The following BPTF variants were observed in gnomAD, a reference collection of about 807,000 sequenced individuals.
BPTF encodes the protein nucleosome-remodeling factor subunit BPTF.
Under a neutral mutation model 292.5 loss-of-function variants are expected in BPTF, and 18 were observed. The observed-to-expected ratio is 0.06, with a 90% CI of 0.04 to 0.09. The LOEUF (loss-of-function observed/expected upper bound fraction) is 0.09, where lower values mean the gene tolerates loss of function less well. BPTF is among the 10% of genes least tolerant of loss of function. The pLI is 1.00. For synonymous variants in BPTF, 1,225 were observed against 1,251.9 expected, an observed-to-expected ratio of 0.98 and a Z score of 0.45; for missense variants, 2,726 against 3,498.7, an observed-to-expected ratio of 0.78 and a Z score of 5.57.
At position 67,854,782 on chromosome 17, in the gene BPTF, A is replaced by G. The variant is rs767088881; in HGVS notation, c.1436+20A>G. 1.9e-6 allele frequency: 3 copies of G among 1,555,576 alleles called. No homozygotes were observed. Among genetic ancestry groups the G allele is most frequent in the East Asian group, 4.5e-5 (2 of 44,446 alleles). On this transcript the variant is annotated intron_variant, in intron 2 of 27. Coordinates refer to ENST00000306378, the MANE Select transcript of BPTF (RefSeq NM_182641.4). The surrounding 1 kb of genome is among the most constrained non-coding windows in gnomAD (Gnocchi z 5.6). ...CATAATGTAAGTAAATCTGGTCTTA[A>G]TTTTTTGTATGCATTTAAAATTAGA...
intron 10 of BPTF, among the ~76,000 whole-genome samples, chr17:67,910,286 T>C (rs993482594): frequency 1.3e-5 from 2 of 152,230 alleles, no homozygotes; most frequent in African/African-American, 4.8e-5. Context: ...GGCTGTTTCC[T>C]CTTTTGGCTA....
At chr17:67,843,984 C>CA (rs777916215) in intron 1 of BPTF, among the ~76,000 whole-genome samples, 62 of 149,034 alleles carry the variant, frequency 4.2e-4, no homozygotes, top group Non-Finnish European at 5.4e-4. Flanking sequence ...AGGCTGGTCT[C>CA]AAACTCCTGA....
intron 2 of BPTF, among the ~76,000 whole-genome samples, chr17:67,860,765 C>A (rs1425644391): frequency 6.6e-6 from 1 of 152,308 alleles, no homozygotes; most frequent in Non-Finnish European, 1.5e-5. Context: ...CACTATGTTG[C>A]CAGGCTGGTC....
At position 67,968,810 on chromosome 17, in the gene BPTF, T is replaced by C. The variant is rs187652501; in HGVS notation, c.8539+2154T>C. 6.3e-3 allele frequency among the ~76,000 whole-genome samples: 945 copies of C among 149,580 alleles called. 12 individuals are homozygous for C. Among genetic ancestry groups the C allele is most frequent in the Non-Finnish European group, 0.01 (709 of 67,668 alleles). On this transcript the variant is annotated intron_variant, in intron 26 of 27. Coordinates refer to ENST00000306378, the MANE Select transcript of BPTF (RefSeq NM_182641.4). ...TCAAAAAAAAAAAAGAAAGAAAATT[T>C]AGAAAATAAATACTATACAAAATTA... is the stretch of plus-strand genomic sequence containing the variant.
At chr17:67,946,976 G>A (rs2065856643) in intron 21 of BPTF, among the ~76,000 whole-genome samples, 1 of 152,200 alleles carries the variant, frequency 6.6e-6, no homozygotes, top group African/African-American at 2.4e-5. Flanking sequence ...CTAGGCAGGA[G>A]TTTGAATGTG....
chr17:67,832,753 A>C (rs1382713857), intron 1 of BPTF, among the ~76,000 whole-genome samples: 2 of 147,778 alleles, frequency 1.4e-5, no homozygotes, highest in East Asian at 3.9e-4. Context: ...GGCAGCCACT[A>C]ATCTACTTTG....
chr17:67,945,819 A>G lies in BPTF; in HGVS notation c.7111A>G (p.Thr2371Ala), dbSNP rs149704276. 470 of 1,613,914 alleles carry G rather than the reference A, an allele frequency of 2.9e-4. 1 individual carries two copies. The highest frequency in any genetic ancestry group is 3.4e-4 in the Non-Finnish European group (401 of 1,180,018). ...ACAACAATCCCAGGTTCAGACTACA[A>G]CCTCACAACCGATTCCAATTCAACC... ...PGQQSQVQTT[T>A]SQPIPIQPHT... The change falls in exon 21 of 28, where the codon ACC becomes GCC. Residue 2371 changes from threonine (T) to alanine (A), a missense_variant. By Grantham distance (58) the Thr-to-Ala change is moderately conservative. Around this residue, in one of 22 missense-constraint regions of BPTF, gnomAD observed 570 missense variants for 633.5 expected, o/e 0.90. Transcript: ENST00000306378.
In BPTF at chr17:67,911,770, G is replaced by A. The variant is rs200480162; in HGVS notation, c.3886G>A (p.Val1296Met). ...NSTLENSSDT[V>M]SIQDSSEEDM... Reference sequence around the variant, plus strand: ...CACTTTGGAAAATAGTTCTGATACCGTGTCTATTCAGGATAGCAGTGAAGA... The same window carrying A: ...CACTTTGGAAAATAGTTCTGATACCATGTCTATTCAGGATAGCAGTGAAGA... Residue 1296 changes from valine (V) to methionine (M), a missense_variant, in exon 11 of 28, where the codon GTG becomes ATG. Val to Met is a conservative substitution (Grantham distance 21). Transcript: ENST00000306378. The A allele has an allele frequency of 1.2e-5, 20 of 1,614,146 alleles. No individual in the cohort carries two copies. The highest frequency in any genetic ancestry group is 6.7e-5 in the East Asian group (3 of 44,888).
chr17:67,886,729 G>C (rs1471275534), intron 4 of BPTF, among the ~76,000 whole-genome samples: 7 of 152,130 alleles, frequency 4.6e-5, no homozygotes, highest in African/African-American at 1.7e-4. Flanking sequence ...AATATAAACA[G>C]GATCATTCTG....
chr17:67,929,149 A>G (rs1411993285), intron 16 of BPTF, 187 bp from the exon 17 acceptor site: 1 of 1,363,900 alleles, frequency 7.3e-7, no homozygotes, highest in Non-Finnish European at 9.4e-7. Flanking sequence ...TTTAATTCAC[A>G]TTTGCCAGAT....
At chr17:67,881,856 TTG>T (rs1397532359) in intron 4 of BPTF, among the ~76,000 whole-genome samples, 3,378 of 14,590 alleles carry the variant, frequency 0.23, 323 homozygotes, top group Non-Finnish European at 0.34. Context: ...TTTTGGGTTT[TTG>T]TTTTTTTTTT....
chr17:67,925,603 G>A (rs2063801116), intron 15 of BPTF, among the ~76,000 whole-genome samples: 1 of 152,158 alleles, frequency 6.6e-6, no homozygotes, highest in Admixed American at 6.5e-5. Context: ...TTCCTATTGA[G>A]AAAATACTGT....
intron 5 of BPTF, among the ~76,000 whole-genome samples, chr17:67,892,834 T>A (rs901163213): frequency 3.9e-5 from 6 of 152,184 alleles, no homozygotes; most frequent in Admixed American, 1.3e-4. Context: ...TTTTATTTTT[T>A]AAAAAAGCTG....
At chr17:67,829,189 G>A (rs901986818) in intron 1 of BPTF, among the ~76,000 whole-genome samples, 6 of 149,042 alleles carry the variant, frequency 4.0e-5, no homozygotes, top group African/African-American at 1.2e-4. Flanking sequence ...TTCTGTGAAC[G>A]TTTTTCATTG....
At position 67,946,080 on chromosome 17, in the gene BPTF, G is replaced by T. The variant is rs782523259; in HGVS notation, c.7372G>T (p.Ala2458Ser). ...GTCACAGGTTGTGGCTCAGATACAGGCTCAGCAAAGTGGTGTGCCCCAGCA... is the reference window on the plus strand; with the variant it reads ...GTCACAGGTTGTGGCTCAGATACAGTCTCAGCAAAGTGGTGTGCCCCAGCA... ...IQSQVVAQIQ[A>S]QQSGVPQQIK... Residue 2458 changes from alanine (A) to serine (S), a missense_variant, in exon 21 of 28, where the codon GCT (alanine) becomes TCT (serine). Physicochemically the swap from Ala to Ser is moderately conservative, Grantham distance 99. This residue lies in a region of BPTF where 570 missense variants were observed against 633.5 expected (regional missense o/e 0.90). Coordinates refer to ENST00000306378, the MANE Select transcript of BPTF (RefSeq NM_182641.4). 16 of 1,614,112 alleles carry T rather than the reference G, an allele frequency of 9.9e-6. No homozygotes were observed. Among genetic ancestry groups the T allele is most frequent in the Non-Finnish European group, 1.4e-5 (16 of 1,180,032 alleles).
At position 67,834,992 on chromosome 17, in the gene BPTF, C is replaced by A. The variant is rs577694880; in HGVS notation, c.613+8655C>A. 1.6e-4 allele frequency among the ~76,000 whole-genome samples: 25 copies of A among 152,186 alleles called. No homozygotes were observed. The South Asian group carries it at 5.2e-3, about 32-fold the overall frequency. On this transcript the variant is annotated intron_variant, in intron 1 of 27. Transcript: ENST00000306378. ...CTTTGGGAGGCTGAGGTGGGAAGAT[C>A]ACTTAAGGCAGCAGTTGAAGACTAG... is the stretch of plus-strand genomic sequence containing the variant.
chr17:67,948,247 A>C lies in BPTF; in HGVS notation c.7867A>C (p.Arg2623=). The C allele has an allele frequency of 2.5e-6, 4 of 1,614,098 alleles. No individual in the cohort carries two copies. The highest frequency in any genetic ancestry group is 3.4e-6 in the Non-Finnish European group (4 of 1,180,004). ...ALLFKHKEQL[R]AEILKKRALL... Reference sequence around the variant, plus strand: ...GCTCTTCAAGCACAAAGAGCAGCTCAGAGCCGAGATCCTGAAGAAGAGAGC... The same window carrying C: ...GCTCTTCAAGCACAAAGAGCAGCTCCGAGCCGAGATCCTGAAGAAGAGAGC... Residue 2623 remains arginine, a synonymous_variant, in exon 23 of 28, where the codon AGA becomes CGA. Transcript: ENST00000306378.
At chr17:67,847,449 G>A (rs1406427921) in intron 1 of BPTF, among the ~76,000 whole-genome samples, 2 of 152,038 alleles carry the variant, frequency 1.3e-5, no homozygotes, top group African/African-American at 4.8e-5. Context: ...GGGAGGCAGA[G>A]CTTGCAGTGA....
At chr17:67,907,138 TGAAC>T (rs2062260132) in intron 9 of BPTF, among the ~76,000 whole-genome samples, 1 of 146,700 alleles carries the variant, frequency 6.8e-6, no homozygotes, top group Non-Finnish European at 1.5e-5. Context: ...TGAGCTGAGA[TGAAC>T]CCACTGTGCT....
Sources: allele counts gnomAD v4.1 joint callset (sites outside exome capture counted in the v4.1 genomes callset), GRCh38; gene constraint gnomAD v4.1.1; regional missense constraint gnomAD v4.1.1; non-coding constraint Gnocchi (gnomAD v3.1); transcripts MANE v1.5; gene names NCBI Gene and HGNC (gene_info 2026-07-23, HGNC 2026-07-21).